PNP: variants seen among roughly 807,000 people sequenced by gnomAD.
PNP encodes the protein purine nucleoside phosphorylase.
PNP carries 18 observed loss-of-function variants against 26.8 expected under a neutral mutation model. That is an observed-to-expected ratio of 0.67 (90% CI 0.46 to 1.00). The LOEUF (loss-of-function observed/expected upper bound fraction) is 1.00, where lower values mean the gene tolerates loss of function less well. Among genes scored for constraint, PNP ranks in the 50% least tolerant of loss-of-function variants. The probability of loss-of-function intolerance (pLI) is 0.00; values close to 1 mark genes in which losing one functional copy is unlikely to be tolerated. For missense variants in PNP, 320 were observed against 362.9 expected, an observed-to-expected ratio of 0.88 and a Z score of 0.96; for synonymous variants, 116 against 124.8, an observed-to-expected ratio of 0.93 and a Z score of 0.47.
intron 2 of PNP, 78 bp downstream of exon 2, chr14:20,472,555 GT>G (rs753756177): frequency 7.6e-7 from 1 of 1,319,532 alleles, no homozygotes; most frequent in Admixed American, 1.8e-5. Context: ...GGAGGCCAAT[GT>G]TTCTACTCCT....
chr14:20,469,910 G>T (rs754845116), intron 1 of PNP: 17 of 414,212 alleles, frequency 4.1e-5, no homozygotes, highest in Non-Finnish European at 6.7e-5. Context: ...CACCCCCTGC[G>T]CTCTTCATAA....
Position 20,476,412 on chromosome 14 carries a change from T to G in PNP, c.681T>G (p.Val227=). 1 of 1,614,148 alleles carries G rather than the reference T, an allele frequency of 6.2e-7. No individual in the cohort carries two copies. The highest frequency in any genetic ancestry group is 8.5e-7 in the Non-Finnish European group (1 of 1,179,970). ...VGMSTVPEVI[V]ARHCGLRVFG... ...TGAGTACAGTACCAGAAGTTATCGT[T>G]GCACGGCACTGTGGACTTCGAGTCT... The change falls in exon 6 of 6, where the codon GTT becomes GTG. Residue 227 remains valine (V), a synonymous_variant. Transcript: ENST00000361505.
In PNP at chr14:20,475,053, G is replaced by C. The variant is rs2139338268; in HGVS notation, c.462-9G>C. ...CCGTTTATGTGAGATAATTCAACCT[G>C]TGTCCTAGGTTTGGAGATCGTTTCC... On this transcript the variant is annotated splice_polypyrimidine_tract_variant and intron_variant, in intron 4 of 5. Coordinates refer to ENST00000361505, the MANE Select transcript of PNP (RefSeq NM_000270.4). 2 of 1,614,126 alleles carry C rather than the reference G, an allele frequency of 1.2e-6. No homozygotes were observed. The highest frequency in any genetic ancestry group is 1.7e-5 in the Admixed American group (1 of 60,016).
At position 20,476,432 on chromosome 14, in the gene PNP, G is replaced by C. The variant is rs104894451; in HGVS notation, c.701G>C (p.Arg234Pro). 269 of 1,614,088 alleles carry C rather than the reference G, an allele frequency of 1.7e-4. No homozygotes were observed. The highest frequency in any genetic ancestry group is 2.2e-4 in the Non-Finnish European group (259 of 1,180,046). ...EVIVARHCGL[R>P]VFGFSLITNK... is the part of the protein sequence containing the mutation. Reference sequence around the variant, plus strand: ...ATCGTTGCACGGCACTGTGGACTTCGAGTCTTTGGCTTCTCACTCATCACT... The same window carrying C: ...ATCGTTGCACGGCACTGTGGACTTCCAGTCTTTGGCTTCTCACTCATCACT... The change falls in exon 6 of 6, where the codon CGA (arginine) becomes CCA (proline). Residue 234 changes from arginine to proline, a missense_variant. Physicochemically the swap from Arg to Pro is moderately radical, Grantham distance 103. Coordinates refer to ENST00000361505, the MANE Select transcript of PNP (RefSeq NM_000270.4).
Position 20,476,479 on chromosome 14 carries a change from G to A in PNP, c.748G>A (p.Glu250Lys), listed in dbSNP as rs1032567583. 6.2e-7 allele frequency: 1 copy of A among 1,614,170 alleles called. No individual in the cohort carries two copies. Among genetic ancestry groups the A allele is most frequent in the Admixed American group, 1.7e-5 (1 of 60,022 alleles). ...LITNKVIMDY[E>K]SLEKANHEEV... The stretch of plus-strand genomic sequence containing the variant: ...CACTAACAAGGTCATCATGGATTAT[G>A]AAAGCCTGGAGAAGGCCAACCATGA... Residue 250 changes from glutamate to lysine, a missense_variant, in exon 6 of 6, where the codon GAA becomes AAA. Transcript: ENST00000361505.
chr14:20,475,720 A>G lies in PNP; in HGVS notation c.652+468A>G, dbSNP rs576533659. 2.0e-5 allele frequency among the ~76,000 whole-genome samples: 3 copies of G among 152,228 alleles called. No individual in the cohort carries two copies. The South Asian group carries it at 6.2e-4, about 32-fold the overall frequency. ...GGCTGGTCCTTGAACTCGCGACCTCAGGTAATCCGCCCATCTTGGCCTCCT... is the reference window on the plus strand; with the variant it reads ...GGCTGGTCCTTGAACTCGCGACCTCGGGTAATCCGCCCATCTTGGCCTCCT... On this transcript the variant is annotated intron_variant, in intron 5 of 5. Transcript: ENST00000361505.
At position 20,474,841 on chromosome 14, in the gene PNP, A is replaced by G; in HGVS notation, c.354A>G (p.Gly118=). Residue 118 remains glycine (G), a synonymous_variant, in exon 4 of 6, where the codon GGA becomes GGG. Transcript: ENST00000361505. ...VDTLVVTNAA[G]GLNPKFEVGD... ...CCCTGGTAGTCACCAATGCAGCAGG[A>G]GGGCTGAACCCCAAGTTTGAGGTTG... The G allele has an allele frequency of 6.2e-7, 1 of 1,614,138 alleles. No individual in the cohort carries two copies. Among genetic ancestry groups the G allele is most frequent in the Non-Finnish European group, 8.5e-7 (1 of 1,180,016 alleles).
At chr14:20,475,473 G>T (rs1405621993) in intron 5 of PNP, among the ~76,000 whole-genome samples, 1 of 152,150 alleles carries the variant, frequency 6.6e-6, no homozygotes, top group Non-Finnish European at 1.5e-5. Context: ...GCTAATGAAT[G>T]ATCTATCCAT....
At position 20,474,934 on chromosome 14, in the gene PNP, G is replaced by T; in HGVS notation, c.447G>T (p.Gly149=). ...PGFSGQNPLR[G]PNDERFGDRF... is the part of the protein sequence containing the mutation. ...TCAGTGGTCAGAACCCTCTCAGAGG[G>T]CCCAATGATGAAAGGTATGTATGTT... is the stretch of plus-strand genomic sequence containing the variant. Residue 149 remains glycine (G), a synonymous_variant, in exon 4 of 6, where the codon GGG becomes GGT. Coordinates refer to ENST00000361505, the MANE Select transcript of PNP (RefSeq NM_000270.4). The T allele has an allele frequency of 6.2e-7, 1 of 1,614,114 alleles. No homozygotes were observed. Among genetic ancestry groups the T allele is most frequent in the Non-Finnish European group, 8.5e-7 (1 of 1,180,008 alleles).
rs1240467362 is a variant in PNP at position 20,476,529 on chromosome 14, A to G, written c.798A>G (p.Gln266=). Residue 266 remains glutamine (Q), a synonymous_variant, in exon 6 of 6, where the codon CAA becomes CAG. Coordinates refer to ENST00000361505, the MANE Select transcript of PNP (RefSeq NM_000270.4). Reference sequence around the variant, plus strand: ...AAGAAGTCTTAGCAGCTGGCAAACAAGCTGCACAGAAATTGGAACAGTTTG... The same window carrying G: ...AAGAAGTCTTAGCAGCTGGCAAACAGGCTGCACAGAAATTGGAACAGTTTG... ...NHEEVLAAGK[Q]AAQKLEQFVS... is the part of the protein sequence containing the mutation. 6.2e-7 allele frequency: 1 copy of G among 1,614,230 alleles called. No homozygotes were observed. The highest frequency in any genetic ancestry group is 1.7e-5 in the Admixed American group (1 of 60,028).
In PNP at chr14:20,469,544, G is replaced by A; in HGVS notation, c.11+9G>A. The A allele has an allele frequency of 3.9e-6, 6 of 1,554,766 alleles. No homozygotes were observed. The highest frequency in any genetic ancestry group is 5.2e-6 in the Non-Finnish European group (6 of 1,149,276). On this transcript the variant is annotated intron_variant, in intron 1 of 5. Coordinates refer to ENST00000361505, the MANE Select transcript of PNP (RefSeq NM_000270.4). ...GAGACCATGGAGAACGGGTGAGGAG[G>A]GCACCAGGCCCGCAGGACCCTTGGG...
intron 1 of PNP, chr14:20,469,832 G>T (rs1014695278): frequency 5.1e-6 from 3 of 593,016 alleles, no homozygotes; most frequent in Non-Finnish European, 9.1e-6. Context: ...CCGTGTGTGT[G>T]TTAGGGGAAC....
rs892708636 is a variant in PNP, at chr14:20,476,841, C to T, written c.*240C>T. ...TGGCGCTACAAAATAAAGCTGTTCT[C>T]ATTCCTGTTCTTTCTTACACAAGAG... On this transcript the variant is annotated 3_prime_UTR_variant, in exon 6 of 6. Transcript: ENST00000361505. 3 of 534,044 alleles carry T rather than the reference C, an allele frequency of 5.6e-6. No individual in the cohort carries two copies. The African/African-American group carries it at 5.7e-5, about 10-fold the overall frequency. The allele number at this position is 534,044 out of a possible 1,614,324, so 33.1% of individuals were successfully genotyped here.
At chr14:20,469,770 G>A (rs1881947548) in intron 1 of PNP, 1 of 639,178 alleles carries the variant, frequency 1.6e-6, no homozygotes, top group Admixed American at 2.5e-5. Context: ...AGCAGGAAGG[G>A]GACAGGTCGG....
rs1023663437 is a variant in PNP at position 20,476,233 on chromosome 14, A to G, written c.653-151A>G. 14 of 718,012 alleles carry G rather than the reference A, an allele frequency of 1.9e-5. No homozygotes were observed. In the Admixed American group the frequency reaches 2.2e-4, roughly 11 times the overall value. The allele number at this position is 718,012 out of a possible 1,614,324, so 44.5% of individuals were successfully genotyped here. ...GACATCCTCCTGCCTTGGCCTCCCA[A>G]TGTACTGGGATTACAGGTGTGAACC... On this transcript the variant is annotated intron_variant, in intron 5 of 5. Coordinates refer to ENST00000361505, the MANE Select transcript of PNP (RefSeq NM_000270.4).
At chr14:20,469,910 G>A in intron 1 of PNP, 2 of 414,332 alleles carry the variant, frequency 4.8e-6, no homozygotes, top group Non-Finnish European at 9.0e-6. Flanking sequence ...CACCCCCTGC[G>A]CTCTTCATAA....
intron 5 of PNP, 74 bp from the exon 6 acceptor site, chr14:20,476,310 A>C: frequency 8.4e-7 from 1 of 1,196,378 alleles, no homozygotes; most frequent in Non-Finnish European, 1.2e-6. Flanking sequence ...TTCTTGTTGA[A>C]AGCGAGGCTA....
chr14:20,469,489 C>A lies in PNP; in HGVS notation c.-36C>A. The A allele has an allele frequency of 6.5e-7, 1 of 1,550,286 alleles. No individual in the cohort carries two copies. The highest frequency in any genetic ancestry group is 1.4e-5 in the African/African-American group (1 of 73,106). ...TCGGATCGGAGCGGATCGGAGCACACCGGAGCAGGCTCATCGAGAAGGCGT... is the reference window on the plus strand; with the variant it reads ...TCGGATCGGAGCGGATCGGAGCACAACGGAGCAGGCTCATCGAGAAGGCGT... On this transcript the variant is annotated 5_prime_UTR_variant, in exon 1 of 6. Coordinates refer to ENST00000361505, the MANE Select transcript of PNP (RefSeq NM_000270.4).
intron 3 of PNP, 73 bp from the exon 4 acceptor site, chr14:20,474,700 T>G: frequency 1.3e-6 from 2 of 1,570,710 alleles, no homozygotes; most frequent in South Asian, 2.2e-5. Flanking sequence ...TCTTTCACGA[T>G]GTATGTCATG....
Sources: gnomAD v4.1 joint callset for allele counts (sites outside exome capture counted in the v4.1 genomes callset) on GRCh38, gnomAD v4.1.1 for gene constraint, MANE v1.5 for transcripts, NCBI Gene and HGNC (gene_info 2026-07-23, HGNC 2026-07-21) for gene names.